Variants in HSPH1 observed in about 807,000 individuals in gnomAD.
HSPH1 encodes heat shock protein family H (Hsp110) member 1, also known as heat shock protein 105 kDa.
Under a neutral mutation model 100.0 loss-of-function variants are expected in HSPH1, and 40 were observed. The observed-to-expected ratio is 0.40, with a 90% CI of 0.31 to 0.52. HSPH1 has a LOEUF of 0.52. Among genes scored for constraint, HSPH1 ranks in the 20% least tolerant of loss-of-function variants. The pLI is 0.54. For missense variants in HSPH1, 876 were observed against 1,015.1 expected (o/e 0.86, Z 1.86); for synonymous variants, 403 against 344.0 (o/e 1.17, Z -1.90).
In HSPH1 at chr13:31,149,942, T is replaced by C; in HGVS notation, c.1137+12A>G. ...GACTGTACACCAAGCAAAAGCAGAG[T>C]TGAGAAAGTACCTGTAATGCACATC... On this transcript the variant is annotated intron_variant, in intron 8 of 17. Coordinates refer to ENST00000320027, the MANE Select transcript of HSPH1 (RefSeq NM_006644.4). 6.2e-7 allele frequency: 1 copy of C among 1,603,340 alleles called. No homozygotes were observed. Among genetic ancestry groups the C allele is most frequent in the South Asian group, 1.1e-5 (1 of 90,890 alleles).
At chr13:31,155,363 GTCTA>G (rs1219958725) in intron 3 of HSPH1, 147 bp downstream of exon 3, 2 of 496,780 alleles carry the variant, frequency 4.0e-6, no homozygotes, top group Non-Finnish European at 7.1e-6. Flanking sequence ...ACAATTTAGC[GTCTA>G]TCTACTATAC....
In HSPH1 at chr13:31,138,360, G is replaced by C. The variant is rs370975645; in HGVS notation, c.2370+47C>G. 1.9e-6 allele frequency: 3 copies of C among 1,567,902 alleles called. No homozygotes were observed. The African/African-American group carries it at 4.1e-5, about 22-fold the overall frequency. On this transcript the variant is annotated intron_variant, in intron 17 of 17. Transcript: ENST00000320027. ...TTGAAGGTTCAAATGATTGCAACTTGAGTCCGTAAGTGAACCCAGCAGTAA... is the reference window on the plus strand; with the variant it reads ...TTGAAGGTTCAAATGATTGCAACTTCAGTCCGTAAGTGAACCCAGCAGTAA...
intron 10 of HSPH1, among the ~76,000 whole-genome samples, chr13:31,146,705 T>C (rs564242020): frequency 1.3e-5 from 2 of 152,328 alleles, no homozygotes; most frequent in South Asian, 4.1e-4. Flanking sequence ...GCTTGAATCC[T>C]GGCTGTGTGA....
At chr13:31,156,029 T>C (rs1007413909) in intron 2 of HSPH1, among the ~76,000 whole-genome samples, 2 of 152,204 alleles carry the variant, frequency 1.3e-5, no homozygotes, top group Non-Finnish European at 2.9e-5. Context: ...GCTAAACTTG[T>C]GAGGTTTTAT....
Position 31,141,250 on chromosome 13 carries a change from T to C in HSPH1, c.1726A>G (p.Lys576Glu). 6.2e-7 allele frequency: 1 copy of C among 1,603,772 alleles called. No homozygotes were observed. Among genetic ancestry groups the C allele is most frequent in the Admixed American group, 1.7e-5 (1 of 58,190 alleles). The change falls in exon 13 of 18, where the codon AAA becomes GAA. Residue 576 changes from lysine (K) to glutamate (E), a missense_variant. By Grantham distance (56) the Lys-to-Glu change is moderately conservative. Coordinates refer to ENST00000320027, the MANE Select transcript of HSPH1 (RefSeq NM_006644.4). The part of the protein sequence containing the change: ...KIPDADKANE[K>E]KVDQPPEAKK... ...GCTTCTGGAGGCTGGTCAACTTTTT[T>C]TTCATTTGCCTTGGGAAGAGGAATA... is the stretch of plus-strand genomic sequence containing the variant.
chr13:31,150,075 T>C lies in HSPH1; in HGVS notation c.1016A>G (p.Glu339Gly). Residue 339 changes from glutamate to glycine, a missense_variant, in exon 8 of 18, where the codon GAG becomes GGG. Glu to Gly is a moderately conservative substitution (Grantham distance 98). Coordinates refer to ENST00000320027, the MANE Select transcript of HSPH1 (RefSeq NM_006644.4). ...AATTCGTGTAGCGCCTCCAACAATC[T>C]CAACTGCACTCACATCTTCTACTTT... is the stretch of plus-strand genomic sequence containing the variant. ...HLKVEDVSAV[E>G]IVGGATRIPA... 2 of 1,613,812 alleles carry C rather than the reference T, an allele frequency of 1.2e-6. No homozygotes were observed. The highest frequency in any genetic ancestry group is 1.7e-6 in the Non-Finnish European group (2 of 1,179,784).
chr13:31,157,597 T>G (rs1010799245), intron 2 of HSPH1, among the ~76,000 whole-genome samples: 33 of 152,224 alleles, frequency 2.2e-4, no homozygotes, highest in African/African-American at 8.0e-4. Context: ...TAATATATAA[T>G]ACAGTACTCA....
chr13:31,151,937 C>A, intron 5 of HSPH1, 195 bp from the exon 6 acceptor site: 2 of 552,702 alleles, frequency 3.6e-6, no homozygotes, highest in East Asian at 6.2e-5. Context: ...GATTTCAGAA[C>A]AATGCTCTAT....
At position 31,161,898 on chromosome 13, in the gene HSPH1, C is replaced by T; in HGVS notation, c.-316G>A. On this transcript the variant is annotated 5_prime_UTR_variant, in exon 1 of 18. Coordinates refer to ENST00000320027, the MANE Select transcript of HSPH1 (RefSeq NM_006644.4). ...GCACACCGGCGCCGGCGCTGAACTACCGACCCAAAAGGGGAGGTCCCACTT... is the reference window on the plus strand; with the variant it reads ...GCACACCGGCGCCGGCGCTGAACTATCGACCCAAAAGGGGAGGTCCCACTT... 6.7e-7 allele frequency: 1 copy of T among 1,500,602 alleles called. No homozygotes were observed. The highest frequency in any genetic ancestry group is 2.5e-5 in the East Asian group (1 of 40,380). 93.0% of individuals were successfully genotyped at this position (1,500,602 alleles called of 1,614,324 possible).
chr13:31,149,814 T>TC, intron 8 of HSPH1, 140 bp downstream of exon 8: 1 of 630,560 alleles, frequency 1.6e-6, no homozygotes, highest in South Asian at 1.9e-5. Flanking sequence ...TAGCCTTATC[T>TC]CCCTACAGCT....
At chr13:31,140,980 G>C in intron 13 of HSPH1, 142 bp downstream of exon 13, 1 of 510,938 alleles carries the variant, frequency 2.0e-6, no homozygotes, top group Non-Finnish European at 3.2e-6. Context: ...AAATTCGTTA[G>C]TTTTGTCTTC....
Position 31,137,486 on chromosome 13 carries a change from C to T in HSPH1, c.2409G>A (p.Pro803=), listed in dbSNP as rs200201980. 219 of 1,613,536 alleles carry T rather than the reference C, an allele frequency of 1.4e-4. 1 individual carries two copies. The East Asian group carries it at 3.1e-3, about 23-fold the overall frequency. ...GTTTGGGTGATTCAATTTTTGGTTTCGGTTGTGTTACAACGGGTTCACATG... is the reference window on the plus strand; with the variant it reads ...GTTTGGGTGATTCAATTTTTGGTTTTGGTTGTGTTACAACGGGTTCACATG... ...NNTCEPVVTQ[P]KPKIESPKLE... is the part of the protein sequence containing the mutation. Residue 803 remains proline, a synonymous_variant, in exon 18 of 18, where the codon CCG becomes CCA. Coordinates refer to ENST00000320027, the MANE Select transcript of HSPH1 (RefSeq NM_006644.4).
At chr13:31,142,091 T>C (rs1956118005) in intron 12 of HSPH1, among the ~76,000 whole-genome samples, 1 of 152,066 alleles carries the variant, frequency 6.6e-6, no homozygotes, top group Non-Finnish European at 1.5e-5. Flanking sequence ...GCAGACTCAG[T>C]TGTATGACAG....
chr13:31,155,658 C>A lies in HSPH1; in HGVS notation c.166-4G>T, dbSNP rs769668456. The A allele has an allele frequency of 1.3e-5, 21 of 1,571,368 alleles. No individual in the cohort carries two copies. The highest frequency in any genetic ancestry group is 1.8e-5 in the Non-Finnish European group (21 of 1,161,750). On this transcript the variant is annotated splice_polypyrimidine_tract_variant and splice_region_variant and intron_variant, in intron 2 of 17. Transcript: ENST00000320027. ...TATTGTTTGCATGAGTGATTTGCTGCAAAAAGAAGTTTGAGATTTTAATTT... is the reference window on the plus strand; with the variant it reads ...TATTGTTTGCATGAGTGATTTGCTGAAAAAAGAAGTTTGAGATTTTAATTT...
At chr13:31,160,421 G>A (rs1210546342) in intron 1 of HSPH1, among the ~76,000 whole-genome samples, 1 of 152,108 alleles carries the variant, frequency 6.6e-6, no homozygotes, top group Non-Finnish European at 1.5e-5. Flanking sequence ...TATTACCCCA[G>A]TCATTCATTC....
chr13:31,141,084 C>T (rs367721966), intron 13 of HSPH1, 38 bp downstream of exon 13: 5 of 1,321,374 alleles, frequency 3.8e-6, no homozygotes, highest in African/African-American at 3.0e-5. Flanking sequence ...AGAAACTAAA[C>T]ATATTTCAAA....
chr13:31,141,952 T>C (rs1045370907), intron 12 of HSPH1, among the ~76,000 whole-genome samples: 1 of 152,068 alleles, frequency 6.6e-6, no homozygotes. Flanking sequence ...ATGTAGGTTT[T>C]TCAAAATATG....
Position 31,138,857 on chromosome 13 carries a change from T to C in HSPH1, c.2132A>G (p.Glu711Gly). 2 of 1,610,242 alleles carry C rather than the reference T, an allele frequency of 1.2e-6. No homozygotes were observed. Among genetic ancestry groups the C allele is most frequent in the Non-Finnish European group, 1.7e-6 (2 of 1,178,102 alleles). The change falls in exon 16 of 18, where the codon GAA becomes GGA. Residue 711 changes from glutamate to glycine, a missense_variant. By Grantham distance (98) the Glu-to-Gly change is moderately conservative (BLOSUM62 -2). Coordinates refer to ENST00000320027, the MANE Select transcript of HSPH1 (RefSeq NM_006644.4). ...TAGTTCTTCAAACATTTTTGGCCGT[T>C]CTTCAGCTTCCTGAAACCGAACTTT... ...PVKVRFQEAE[E>G]RPKMFEELGQ...
At chr13:31,141,375 A>G (rs955964126) in intron 12 of HSPH1, 116 bp from the exon 13 acceptor site, 56 of 854,828 alleles carry the variant, frequency 6.6e-5, no homozygotes, top group African/African-American at 1.0e-4. Context: ...TCTAAAAATC[A>G]TAAAGTTGGA....
Sources: allele counts gnomAD v4.1 joint callset (sites outside exome capture counted in the v4.1 genomes callset), GRCh38; gene constraint gnomAD v4.1.1; transcripts MANE v1.5; gene names NCBI Gene and HGNC (gene_info 2026-07-23, HGNC 2026-07-21).